Variants in PGR observed in about 807,000 individuals in gnomAD.
The protein encoded by PGR is nuclear receptor subfamily 3 group C member 3.
Under a neutral mutation model 76.1 loss-of-function variants are expected in PGR, and 25 were observed. The observed-to-expected ratio is 0.33, with a 90% CI of 0.24 to 0.46. The LOEUF is 0.46. Ranked by LOEUF, PGR falls within the 20% of genes least tolerant of loss-of-function variation. PGR has a pLI of 1.00. For missense variants in PGR, 1,172 were observed against 1,225.3 expected, an observed-to-expected ratio of 0.96 and a Z score of 0.65; for synonymous variants, 579 against 535.0, an observed-to-expected ratio of 1.08 and a Z score of -1.14.
At chr11:101,081,605 T>A (rs1861310591) in intron 3 of PGR, among the ~76,000 whole-genome samples, 1 of 152,144 alleles carries the variant, frequency 6.6e-6, no homozygotes, top group African/African-American at 2.4e-5. Flanking sequence ...GGGGCCTGTT[T>A]TCAGCGTTCT....
At chr11:101,072,286 T>C (rs549400435) in intron 3 of PGR, among the ~76,000 whole-genome samples, 2 of 152,288 alleles carry the variant, frequency 1.3e-5, no homozygotes, top group East Asian at 1.9e-4. Flanking sequence ...CTGAGAGATT[T>C]TGTCACCACG....
intron 4 of PGR, 80 bp from the exon 5 acceptor site, chr11:101,051,648 G>T: frequency 9.6e-7 from 1 of 1,041,522 alleles, no homozygotes; most frequent in Non-Finnish European, 1.5e-6. Context: ...ATATAAATCT[G>T]AAAATAGGTA....
In PGR at chr11:101,062,474, C is replaced by T; in HGVS notation, c.2185G>A (p.Val729Ile). 1.2e-6 allele frequency: 2 copies of T among 1,613,882 alleles called. No homozygotes were observed. The highest frequency in any genetic ancestry group is 8.5e-7 in the Non-Finnish European group (1 of 1,179,832). ...GGCAATGATTTAGACCACTTGACTA[C>T]TGAAAGAAGTTGCCTCTCGCCTAGT... is the stretch of plus-strand genomic sequence containing the variant. ...NQLGERQLLS[V>I]VKWSKSLPGF... The change falls in exon 4 of 8, where the codon GTA becomes ATA. Residue 729 changes from valine (V) to isoleucine (I), a missense_variant. Coordinates refer to ENST00000325455, the MANE Select transcript of PGR (RefSeq NM_000926.4).
intron 2 of PGR, among the ~76,000 whole-genome samples, chr11:101,104,509 C>T (rs1321156286): frequency 1.3e-5 from 2 of 152,124 alleles, no homozygotes; most frequent in East Asian, 3.9e-4. Flanking sequence ...AACAATAAAT[C>T]ATAGTGTGTA....
intron 3 of PGR, among the ~76,000 whole-genome samples, chr11:101,064,331 CAAAAAAAAAAA>C (rs10556132): frequency 4.3e-4 from 17 of 39,438 alleles, no homozygotes; most frequent in South Asian, 2.9e-3. Flanking sequence ...AACTCCACCT[CAAAAAAAAAAA>C]AAAAAAAAAA....
At position 101,031,274 on chromosome 11, in the gene PGR, C is replaced by T. The variant is rs1331979346; in HGVS notation, c.*7842G>A. The T allele has an allele frequency of 4.5e-6, 1 of 223,864 alleles. No homozygotes were observed. The highest frequency in any genetic ancestry group is 2.2e-5 in the African/African-American group (1 of 44,804). The allele number at this position is 223,864 out of a possible 1,614,324, so 13.9% of individuals were successfully genotyped here. On this transcript the variant is annotated 3_prime_UTR_variant, in exon 8 of 8. Coordinates refer to ENST00000325455, the MANE Select transcript of PGR (RefSeq NM_000926.4). ...AATATGAGATGATAGCAACGGGGGT[C>T]TATGACCAGGCATAACTAACAAGGG...
chr11:101,065,608 T>C, intron 3 of PGR, among the ~76,000 whole-genome samples: 1 of 152,162 alleles, frequency 6.6e-6, no homozygotes, highest in Non-Finnish European at 1.5e-5. Flanking sequence ...TGTATTATAT[T>C]TTTGCACCTC....
At chr11:101,085,480 T>C (rs1861461543) in intron 3 of PGR, among the ~76,000 whole-genome samples, 1 of 107,580 alleles carries the variant, frequency 9.3e-6, no homozygotes, top group Non-Finnish European at 1.8e-5. Flanking sequence ...CTCAAAAAGT[T>C]AGAAAGATCT....
intron 2 of PGR, among the ~76,000 whole-genome samples, chr11:101,122,606 T>C (rs564886230): frequency 1.3e-5 from 2 of 152,336 alleles, no homozygotes; most frequent in South Asian, 4.1e-4. Flanking sequence ...CAATGGGCTA[T>C]CCAACCAACT....
Position 101,128,213 on chromosome 11 carries a change from G to C in PGR, c.858C>G (p.Asp286Glu), listed in dbSNP as rs200529590. The C allele has an allele frequency of 6.8e-4, 1,081 of 1,598,230 alleles. 1 individual carries two copies. Among genetic ancestry groups the C allele is most frequent in the Non-Finnish European group, 4.6e-4 (543 of 1,179,390 alleles). ...SAPRVALVEQ[D>E]APMAPGRSPL... is the part of the protein sequence containing the mutation. ...GGGAGCGCCCGGGCGCCATCGGCGC[G>C]TCCTGCTCCACCAGGGCGACCCTGG... is the stretch of plus-strand genomic sequence containing the variant. The change falls in exon 1 of 8, where the codon GAC (aspartate) becomes GAG (glutamate). Residue 286 changes from aspartate to glutamate, a missense_variant. This residue lies in a region of PGR where 893 missense variants were observed against 785.9 expected (regional missense o/e 1.14). Transcript: ENST00000325455.
chr11:101,094,929 C>T (rs186069741), intron 2 of PGR, among the ~76,000 whole-genome samples: 12 of 152,268 alleles, frequency 7.9e-5, no homozygotes, highest in African/African-American at 2.9e-4. Flanking sequence ...TTTATCCTTT[C>T]TGCCATGTGA....
At position 101,031,476 on chromosome 11, in the gene PGR, G is replaced by GATAGATT. The variant is rs1859349155; in HGVS notation, c.*7633_*7639dup. 4.4e-6 allele frequency: 1 copy of GATAGATT among 229,504 alleles called. No individual in the cohort carries two copies. Among genetic ancestry groups the GATAGATT allele is most frequent in the South Asian group, 1.8e-4 (1 of 5,500 alleles). 14.2% of individuals were successfully genotyped at this position (229,504 alleles called of 1,614,324 possible). On this transcript the variant is annotated 3_prime_UTR_variant, in exon 8 of 8. Coordinates refer to ENST00000325455, the MANE Select transcript of PGR (RefSeq NM_000926.4). ...AGGCTCTTTTAGATGAAAAAACATG[G>GATAGATT]ATAGATTATTAAGCGCCAAGTTTTC...
chr11:101,045,531 A>G (rs561183549), intron 6 of PGR, among the ~76,000 whole-genome samples: 23 of 152,252 alleles, frequency 1.5e-4, no homozygotes, highest in Non-Finnish European at 2.5e-4. Context: ...TTTAGCTCCC[A>G]CTTATAAGCG....
chr11:101,088,623 C>T (rs1407645826), intron 3 of PGR, among the ~76,000 whole-genome samples: 1 of 152,144 alleles, frequency 6.6e-6, no homozygotes, highest in African/African-American at 2.4e-5. Context: ...TGAGCCACCG[C>T]TCCCGGCCCT....
At chr11:101,053,637 TTCTTCCCTCCCC>T (rs1349302235) in intron 4 of PGR, among the ~76,000 whole-genome samples, 1 of 142,986 alleles carries the variant, frequency 7.0e-6, no homozygotes, top group Non-Finnish European at 1.5e-5. Context: ...TCTTCCTCCT[TTCTTCCCTCCCC>T]TTTTCCCTCC....
intron 2 of PGR, among the ~76,000 whole-genome samples, chr11:101,106,656 G>A (rs565296082): frequency 6.6e-6 from 1 of 152,178 alleles, no homozygotes. Flanking sequence ...AGACAGTGCA[G>A]CAATTCCTCA....
chr11:101,128,372 C>T lies in PGR; in HGVS notation c.699G>A (p.Ala233=). 1 of 1,607,230 alleles carries T rather than the reference C, an allele frequency of 6.2e-7. No individual in the cohort carries two copies. ...GAGGTTTGCCCTTCAGAAGCGGACC[C>T]GCAGACTCCTCGGACTCAGAGCCAT... is the stretch of plus-strand genomic sequence containing the variant. ...EEDGSESEES[A]GPLLKGKPRA... is the part of the protein sequence containing the mutation. The change falls in exon 1 of 8, where the codon GCG becomes GCA. Residue 233 remains alanine (A), a synonymous_variant. Coordinates refer to ENST00000325455, the MANE Select transcript of PGR (RefSeq NM_000926.4).
intron 4 of PGR, among the ~76,000 whole-genome samples, chr11:101,060,405 T>G (rs1195282613): frequency 6.6e-6 from 1 of 152,214 alleles, no homozygotes; most frequent in Non-Finnish European, 1.5e-5. Context: ...GAGCCCAGCC[T>G]TGTGGCTTTT....
intron 3 of PGR, among the ~76,000 whole-genome samples, chr11:101,064,214 C>T (rs1860620334): frequency 6.6e-6 from 1 of 150,780 alleles, no homozygotes; most frequent in South Asian, 2.1e-4. Flanking sequence ...ACCTGTAATC[C>T]CAGTTACTCC....
Sources: allele counts gnomAD v4.1 joint callset (sites outside exome capture counted in the v4.1 genomes callset), GRCh38; gene constraint gnomAD v4.1.1; regional missense constraint gnomAD v4.1.1; transcripts MANE v1.5; gene names NCBI Gene and HGNC (gene_info 2026-07-23, HGNC 2026-07-21).